OSMR: variants seen among roughly 807,000 people sequenced by gnomAD.
The protein encoded by OSMR is oncostatin M receptor, also known as oncostatin-M-specific receptor subunit beta.
Under a neutral mutation model 99.9 loss-of-function variants are expected in OSMR, and 81 were observed. That is an observed-to-expected ratio of 0.81 (90% confidence interval 0.68 to 0.97). The LOEUF (loss-of-function observed/expected upper bound fraction) is 0.97. Among genes scored for constraint, OSMR ranks in the 50% least tolerant of loss-of-function variants. The probability of loss-of-function intolerance (pLI) is 0.00; values close to 1 mark genes in which losing one functional copy is unlikely to be tolerated. For synonymous variants in OSMR, 406 were observed against 410.4 expected (o/e 0.99, Z 0.13); for missense variants, 1,099 against 1,153.4 (o/e 0.95, Z 0.68).
At chr5:38,920,604 C>A (rs1746184064) in intron 11 of OSMR, among the ~76,000 whole-genome samples, 1 of 152,132 alleles carries the variant, frequency 6.6e-6, no homozygotes, top group African/African-American at 2.4e-5. Context: ...CCTTTGGGTG[C>A]CCCTAGCTGG....
intron 9 of OSMR, among the ~76,000 whole-genome samples, chr5:38,909,187 C>T (rs1174879975): frequency 6.6e-6 from 1 of 151,752 alleles, no homozygotes; most frequent in Non-Finnish European, 1.5e-5. Context: ...CTCAGTCAGA[C>T]AAAAATAAAG....
intron 9 of OSMR, among the ~76,000 whole-genome samples, chr5:38,904,975 T>C (rs1375072018): frequency 1.3e-5 from 2 of 152,204 alleles, no homozygotes; most frequent in Non-Finnish European, 2.9e-5. Flanking sequence ...TCCAGCATGC[T>C]CTGTGGCAGG....
intron 1 of OSMR, among the ~76,000 whole-genome samples, chr5:38,868,076 T>TATTGTAA (rs1561346668): frequency 6.6e-6 from 1 of 152,252 alleles, no homozygotes; most frequent in African/African-American, 2.4e-5. Flanking sequence ...CTATTGTATT[T>TATTGTAA]GTTCTCTTTC....
intron 1 of OSMR, among the ~76,000 whole-genome samples, chr5:38,865,642 G>T (rs1335516864): frequency 1.3e-5 from 2 of 152,224 alleles, no homozygotes; most frequent in African/African-American, 4.8e-5. Context: ...GGTGGCACCA[G>T]GCCTACTGTG....
chr5:38,929,512 G>A (rs1190633048), intron 15 of OSMR, among the ~76,000 whole-genome samples: 1 of 152,116 alleles, frequency 6.6e-6, no homozygotes, highest in Non-Finnish European at 1.5e-5. Context: ...AAAAGTTTGT[G>A]TTTAAAATTA....
At chr5:38,855,001 G>A (rs551212656) in intron 1 of OSMR, among the ~76,000 whole-genome samples, 157 of 152,308 alleles carry the variant, frequency 1.0e-3, no homozygotes, top group African/African-American at 3.6e-3. Context: ...AGAGCTGGCT[G>A]CCTTTCTTGT....
rs1745220024 is a variant in OSMR, at chr5:38,906,203, T to C, written c.1285+1700T>C. Among the ~76,000 whole-genome samples the C allele has an allele frequency of 2.0e-5, 3 of 151,672 alleles. 1 individual carries two copies. In the South Asian group the frequency reaches 6.2e-4, roughly 31 times the overall value. Reference sequence around the variant, plus strand: ...TTTTGAAAATTTATTCCAACATAACTAAAATTATGTAAAAAGGGAAGATGG... The same window carrying C: ...TTTTGAAAATTTATTCCAACATAACCAAAATTATGTAAAAAGGGAAGATGG... On this transcript the variant is annotated intron_variant, in intron 9 of 17. Coordinates refer to ENST00000274276, the MANE Select transcript of OSMR (RefSeq NM_003999.3).
downstream of OSMR, among the ~76,000 whole-genome samples, chr5:38,937,630 T>C (rs2112733965): frequency 6.6e-6 from 1 of 152,338 alleles, no homozygotes. This position sits in a 1 kb window ranked among gnomAD's most constrained non-coding sequence, Gnocchi z 4.0. Context: ...CATATCATCA[T>C]CACTCATATT....
intron 2 of OSMR, chr5:38,944,602 T>C (rs1377621966): frequency 9.8e-6 from 15 of 1,529,068 alleles, no homozygotes; most frequent in East Asian, 6.8e-5. Flanking sequence ...TTAAATATTA[T>C]CTATGTCACA....
At chr5:38,912,324 C>T (rs940635581) in intron 9 of OSMR, among the ~76,000 whole-genome samples, 4 of 152,036 alleles carry the variant, frequency 2.6e-5, no homozygotes, top group South Asian at 2.1e-4. Flanking sequence ...ATCCTACTTT[C>T]GATACTCACA....
rs576018319 is a variant in OSMR at position 38,861,855 on chromosome 5, C to T, written c.-13-7177C>T. ...GGCGCCCCTCACCTCACAGACGGGG[C>T]GGCTGGCCGGGCGGGGGGCTGACCC... On this transcript the variant is annotated intron_variant, in intron 1 of 17. Coordinates refer to ENST00000274276, the MANE Select transcript of OSMR (RefSeq NM_003999.3). Among the ~76,000 whole-genome samples, 538 of 138,654 alleles carry T rather than the reference C, an allele frequency of 3.9e-3. 2 individuals carry two copies. The highest frequency in any genetic ancestry group is 0.018 in the Middle Eastern group (4 of 226). The allele number at this position is 138,654 out of a possible 152,430, so 91.0% of individuals were successfully genotyped here.
At chr5:38,872,972 C>T (rs1429647403) in intron 2 of OSMR, among the ~76,000 whole-genome samples, 1 of 152,182 alleles carries the variant, frequency 6.6e-6, no homozygotes, top group African/African-American at 2.4e-5. Context: ...ATTCATGATA[C>T]TCATTTGGTG....
Position 38,935,358 on chromosome 5 carries a change from TG to T in OSMR, c.*1916del, listed in dbSNP as rs1334162551. ...ACACAAACCAGTACTTGCCTTTTGCTGGAAACATTGATTATGTGCTCCTCAC... is the reference window on the plus strand; with the variant it reads ...ACACAAACCAGTACTTGCCTTTTGCTGAAACATTGATTATGTGCTCCTCAC... On this transcript the variant is annotated 3_prime_UTR_variant, in exon 18 of 18. Coordinates refer to ENST00000274276, the MANE Select transcript of OSMR (RefSeq NM_003999.3). The T allele has an allele frequency of 5.9e-5, 9 of 152,312 alleles. No homozygotes were observed. The East Asian group carries it at 1.7e-3, about 29-fold the overall frequency. The allele number at this position is 152,312 out of a possible 1,614,324, so 9.4% of individuals were successfully genotyped here. A position where few individuals can be genotyped will look rare whatever the true frequency, so the allele number is the denominator to read the frequency against.
intron 7 of OSMR, among the ~76,000 whole-genome samples, chr5:38,893,209 A>G (rs1368136083): frequency 6.6e-6 from 1 of 152,232 alleles, no homozygotes; most frequent in African/African-American, 2.4e-5. Context: ...AGAAGTACCT[A>G]GGGCTATAGG....
At chr5:38,878,432 C>T (rs960560385) in intron 3 of OSMR, among the ~76,000 whole-genome samples, 5 of 152,150 alleles carry the variant, frequency 3.3e-5, no homozygotes, top group Admixed American at 6.5e-5. Flanking sequence ...GCAGCTGGAC[C>T]AGAGGCACCG....
At chr5:38,879,622 C>CTTTT (rs1173567281) in intron 3 of OSMR, among the ~76,000 whole-genome samples, 1 of 131,254 alleles carries the variant, frequency 7.6e-6, no homozygotes, top group South Asian at 2.5e-4. Flanking sequence ...ATATTTGCTC[C>CTTTT]TTTTTTTTTT....
intron 7 of OSMR, among the ~76,000 whole-genome samples, chr5:38,889,474 G>T (rs1579716683): frequency 6.6e-6 from 1 of 151,618 alleles, no homozygotes; most frequent in Non-Finnish European, 1.5e-5. Flanking sequence ...CTTCAATTTT[G>T]AATTTATTTT....
At chr5:38,892,734 A>G (rs1001979650) in intron 7 of OSMR, among the ~76,000 whole-genome samples, 1 of 152,160 alleles carries the variant, frequency 6.6e-6, no homozygotes, top group African/African-American at 2.4e-5. Flanking sequence ...ATGGCTTTCA[A>G]CCACATTGTG....
intron 15 of OSMR, among the ~76,000 whole-genome samples, chr5:38,929,569 A>G (rs1413772356): frequency 6.6e-6 from 1 of 152,220 alleles, no homozygotes; most frequent in Non-Finnish European, 1.5e-5. Context: ...CCAAGTGTTG[A>G]TGAGGATGTA....
Sources: allele counts gnomAD v4.1 joint callset (sites outside exome capture counted in the v4.1 genomes callset), GRCh38; gene constraint gnomAD v4.1.1; non-coding constraint Gnocchi (gnomAD v3.1); transcripts MANE v1.5; gene names NCBI Gene and HGNC (gene_info 2026-07-23, HGNC 2026-07-21).